Variants in PARP16 observed in about 807,000 individuals in gnomAD.
PARP16 encodes poly(ADP-ribose) polymerase family member 16.
A neutral mutation model predicts 35.0 loss-of-function variants in PARP16; 31 were observed. The observed-to-expected ratio is 0.88, with a 90% confidence interval of 0.66 to 1.19. The LOEUF is 1.19. Ranked by LOEUF, PARP16 falls within the 50% of genes most tolerant of loss-of-function variation. The probability of loss-of-function intolerance (pLI) is 0.00; values close to 1 mark genes in which losing one functional copy is unlikely to be tolerated. For synonymous variants in PARP16, 162 were observed against 169.5 expected (o/e 0.96, Z 0.34); for missense variants, 424 against 411.2 (o/e 1.03, Z -0.27).
chr15:65,261,089 A>T, intron 4 of PARP16, 63 bp from the exon 5 acceptor site: 1 of 1,531,056 alleles, frequency 6.5e-7, no homozygotes, highest in Non-Finnish European at 9.0e-7. Context: ...GCACATTATA[A>T]ATAGAAATAA....
At chr15:65,271,566 T>A (rs1285122305) in intron 1 of PARP16, among the ~76,000 whole-genome samples, 3 of 152,018 alleles carry the variant, frequency 2.0e-5, no homozygotes, top group Non-Finnish European at 4.4e-5. Context: ...TGAACCACCA[T>A]GCCCAGCCTT....
rs576927300 is a variant in PARP16 at position 65,266,625 on chromosome 15, A to G, written c.456T>C (p.His152=). 1 of 1,614,160 alleles carries G rather than the reference A, an allele frequency of 6.2e-7. No individual in the cohort carries two copies. The highest frequency in any genetic ancestry group is 1.3e-5 in the African/African-American group (1 of 75,040). Residue 152 remains histidine (H), a synonymous_variant, in exon 3 of 6, where the codon CAT becomes CAC. Transcript: ENST00000649807. The part of the protein sequence containing the change: ...KGERDLIYAF[H]GSRLENFHSI... Reference sequence around the variant, plus strand: ...AATGGAAGTTTTCTAGGCGGCTACCATGAAATGCATAGATTAGGTCTCGTT... The same window carrying G: ...AATGGAAGTTTTCTAGGCGGCTACCGTGAAATGCATAGATTAGGTCTCGTT...
At chr15:65,285,198 C>T (rs191091958) in intron 1 of PARP16, among the ~76,000 whole-genome samples, 137 of 126,478 alleles carry the variant, frequency 1.1e-3, no homozygotes, top group African/African-American at 3.4e-3. Context: ...ACTGCAATGG[C>T]GCAATCTCGG....
chr15:65,264,109 G>A (rs1335835344), intron 3 of PARP16, among the ~76,000 whole-genome samples: 1 of 152,212 alleles, frequency 6.6e-6, no homozygotes, highest in Non-Finnish European at 1.5e-5. Context: ...TTGTATTGGG[G>A]TTGACCAAGA....
chr15:65,282,156 G>A (rs1053008864), intron 1 of PARP16, among the ~76,000 whole-genome samples: 4 of 152,154 alleles, frequency 2.6e-5, no homozygotes, highest in African/African-American at 7.2e-5. Flanking sequence ...GACTACAGGC[G>A]TGCACCACCA....
chr15:65,238,088 C>G (rs2088938522), intron 3 of PARP16, among the ~76,000 whole-genome samples: 1 of 152,108 alleles, frequency 6.6e-6, no homozygotes, highest in Non-Finnish European at 1.5e-5. Context: ...GAGTTTGAGA[C>G]CAGCCTGGCC....
chr15:65,259,636 G>T, intron 5 of PARP16, 94 bp from the exon 6 acceptor site: 1 of 1,199,402 alleles, frequency 8.3e-7, no homozygotes, highest in Non-Finnish European at 1.2e-6. Context: ...AAGACAAAAT[G>T]ATGAATTTCA....
chr15:65,249,960 CAG>C (rs1316895946), intron 2 of PARP16, among the ~76,000 whole-genome samples: 1 of 152,178 alleles, frequency 6.6e-6, no homozygotes, highest in South Asian at 2.1e-4. Flanking sequence ...GCTCATAAAA[CAG>C]AGCAGAGCTC....
At chr15:65,274,377 A>G (rs2090186138) in intron 1 of PARP16, among the ~76,000 whole-genome samples, 1 of 151,898 alleles carries the variant, frequency 6.6e-6, no homozygotes, top group East Asian at 1.9e-4. Context: ...CAGGGGCAAC[A>G]TGGCGAAACC....
At chr15:65,243,978 T>A (rs4776676) in intron 3 of PARP16, among the ~76,000 whole-genome samples, 64,430 of 151,634 alleles carry the variant, frequency 0.42, 15,112 homozygotes, top group East Asian at 0.86. Flanking sequence ...TGCTTAAGGG[T>A]CTTACTGCCT....
At chr15:65,253,608 GC>G (rs1315723221), downstream of PARP16, among the ~76,000 whole-genome samples, 2 of 152,090 alleles carry the variant, frequency 1.3e-5, no homozygotes, top group Admixed American at 6.5e-5. Flanking sequence ...GGGATTACAG[GC>G]GTGAGCCACC....
intron 2 of PARP16, among the ~76,000 whole-genome samples, chr15:65,270,283 T>C (rs2090051189): frequency 6.6e-6 from 1 of 152,202 alleles, no homozygotes. Context: ...GTCTGACTTG[T>C]GCCAGAAACT....
intron 2 of PARP16, among the ~76,000 whole-genome samples, chr15:65,250,106 CCTTTTTTTTT>C (rs1281673772): frequency 7.7e-5 from 8 of 104,204 alleles, no homozygotes; most frequent in East Asian, 3.1e-4. Context: ...CACCTGCTTG[CCTTTTTTTTT>C]TTTTTTTTTT....
At chr15:65,281,150 A>G (rs2090412714) in intron 1 of PARP16, among the ~76,000 whole-genome samples, 1 of 152,194 alleles carries the variant, frequency 6.6e-6, no homozygotes, top group Non-Finnish European at 1.5e-5. Flanking sequence ...TCGGGAGGGA[A>G]AACAGAACAA....
chr15:65,239,030 C>T (rs1349797721), intron 3 of PARP16, among the ~76,000 whole-genome samples: 6 of 152,110 alleles, frequency 3.9e-5, no homozygotes, highest in African/African-American at 1.4e-4. Context: ...ACTTGGGAGG[C>T]TGAGGCAGGA....
chr15:65,243,958 C>T (rs544524345), intron 3 of PARP16, among the ~76,000 whole-genome samples: 42 of 151,996 alleles, frequency 2.8e-4, no homozygotes, highest in African/African-American at 9.4e-4. Context: ...AAGCTTCTTG[C>T]CCACCTCTCT....
intron 3 of PARP16, among the ~76,000 whole-genome samples, chr15:65,265,787 G>A (rs993109548): frequency 4.6e-5 from 7 of 152,178 alleles, no homozygotes; most frequent in African/African-American, 1.2e-4. Context: ...TCCAGGGAAC[G>A]CACAGTGGAG....
At chr15:65,284,214 G>T (rs1043597334) in intron 1 of PARP16, among the ~76,000 whole-genome samples, 14 of 152,064 alleles carry the variant, frequency 9.2e-5, no homozygotes, top group South Asian at 2.1e-4. Flanking sequence ...GCATTCCTGG[G>T]ATGAACCCAA....
At chr15:65,277,399 C>CA (rs961598584) in intron 1 of PARP16, among the ~76,000 whole-genome samples, 60 of 152,314 alleles carry the variant, frequency 3.9e-4, no homozygotes, top group African/African-American at 1.3e-3. Flanking sequence ...TGAGGCCAAC[C>CA]ACATCTTACT....
Sources: gnomAD v4.1 joint callset for allele counts (sites outside exome capture counted in the v4.1 genomes callset) on GRCh38, gnomAD v4.1.1 for gene constraint, MANE v1.5 for transcripts, NCBI Gene and HGNC (gene_info 2026-07-23, HGNC 2026-07-21) for gene names.